The following PFKFB3 variants were observed in gnomAD, a reference collection of about 807,000 sequenced individuals.
PFKFB3 encodes 6-phosphofructo-2-kinase/fructose-2,6-biphosphatase 3.
Under a neutral mutation model 68.0 loss-of-function variants are expected in PFKFB3, and 33 were observed. The ratio of observed to expected loss-of-function variants is 0.49; its 90% CI spans 0.37 to 0.65. PFKFB3 has a LOEUF of 0.65. Among genes scored for constraint, PFKFB3 ranks in the 30% least tolerant of loss-of-function variants. The pLI is 0.00. For missense variants in PFKFB3, 586 were observed against 712.2 expected, an observed-to-expected ratio of 0.82 and a Z score of 2.02; for synonymous variants, 315 against 288.2, an observed-to-expected ratio of 1.09 and a Z score of -0.94.
At chr10:6,177,413 T>TTCTTTCTTCTTTCTTTCTTTCTTTCTTC (rs1842525843) in intron 1 of PFKFB3, among the ~76,000 whole-genome samples, 2 of 89,428 alleles carry the variant, frequency 2.2e-5, no homozygotes, top group African/African-American at 3.4e-5. Flanking sequence ...TCTTTCTTCT[T>TTCTTTCTTCTTTCTTTCTTTCTTTCTTC]TCTCTTTCTT....
chr10:6,300,932 T>G, the PFKFB3 span, among the ~76,000 whole-genome samples: 5 of 152,288 alleles, frequency 3.3e-5, no homozygotes, highest in East Asian at 9.6e-4. Flanking sequence ...GTGCCAGAAA[T>G]AGAGGAATCT....
chr10:6,194,404 G>C (rs138482033), intron 1 of PFKFB3, among the ~76,000 whole-genome samples: 1 of 152,310 alleles, frequency 6.6e-6, no homozygotes, highest in South Asian at 2.1e-4. Context: ...CTATGTTTCC[G>C]CTGCGCTAAA....
intron 1 of PFKFB3, among the ~76,000 whole-genome samples, chr10:6,175,626 C>T (rs1006714086): frequency 6.6e-6 from 1 of 152,188 alleles, no homozygotes; most frequent in Non-Finnish European, 1.5e-5. Flanking sequence ...AACAAAGTCA[C>T]TGTAGAGAAA....
At chr10:6,205,121 GATTA>G (rs1482954779) in intron 1 of PFKFB3, among the ~76,000 whole-genome samples, 2 of 152,206 alleles carry the variant, frequency 1.3e-5, no homozygotes, top group Non-Finnish European at 2.9e-5. Flanking sequence ...AAAGCCAATG[GATTA>G]ATTCTTTTGT....
intron 10 of PFKFB3, chr10:6,222,633 T>G: frequency 2.5e-6 from 1 of 402,954 alleles, no homozygotes; most frequent in Non-Finnish European, 4.5e-6. Flanking sequence ...CACACAGCAT[T>G]GAGTTTTCCA....
chr10:6,300,954 T>C, the PFKFB3 span, among the ~76,000 whole-genome samples: 5 of 152,190 alleles, frequency 3.3e-5, no homozygotes, highest in Admixed American at 3.3e-4. Context: ...GTTCTTTTAT[T>C]TTTGGCAACA....
At chr10:6,178,620 C>T (rs1008962241) in intron 1 of PFKFB3, among the ~76,000 whole-genome samples, 1 of 152,188 alleles carries the variant, frequency 6.6e-6, no homozygotes, top group Non-Finnish European at 1.5e-5. Flanking sequence ...CCCTCGGTGC[C>T]TGCCCTGGGC....
the PFKFB3 span, among the ~76,000 whole-genome samples, chr10:6,262,271 G>A: frequency 2.0e-5 from 3 of 151,572 alleles, no homozygotes; most frequent in South Asian, 2.1e-4. Context: ...TGGCTAACAT[G>A]GTGAAACCCT....
intron 14 of PFKFB3, among the ~76,000 whole-genome samples, chr10:6,232,627 A>C (rs116236992): frequency 0.013 from 1,950 of 152,082 alleles, 50 homozygotes; most frequent in African/African-American, 0.045. Flanking sequence ...ACGGTCCTCC[A>C]GGAGCCACAC....
chr10:6,169,592 A>G (rs541702047), intron 1 of PFKFB3, among the ~76,000 whole-genome samples: 1 of 152,144 alleles, frequency 6.6e-6, no homozygotes, highest in East Asian at 1.9e-4. Context: ...TGCTGCGCTG[A>G]TGGTGAAGGC....
In PFKFB3 at chr10:6,221,651, A is replaced by G; in HGVS notation, c.989A>G (p.Glu330Gly). ...ALNEIDAGVC[E>G]ELTYEEIRDT... ...ACTGGGTCCCCGCAGGGCGTCTGTG[A>G]GGAGCTGACCTACGAGGAGATCAGG... The change falls in exon 10 of 15, where the codon GAG (glutamate) becomes GGG (glycine). Residue 330 changes from glutamate (E) to glycine (G), a missense_variant. Coordinates refer to ENST00000379775, the MANE Select transcript of PFKFB3 (RefSeq NM_004566.4). 1 of 1,610,822 alleles carries G rather than the reference A, an allele frequency of 6.2e-7. No individual in the cohort carries two copies. The highest frequency in any genetic ancestry group is 8.5e-7 in the Non-Finnish European group (1 of 1,178,912).
At chr10:6,297,789 CATAT>C in the PFKFB3 span, among the ~76,000 whole-genome samples, 3 of 152,150 alleles carry the variant, frequency 2.0e-5, no homozygotes, top group African/African-American at 7.2e-5. Flanking sequence ...TCCTTCTCTC[CATAT>C]CCCAGAAGGG....
At chr10:6,255,452 T>G (rs1846482119), downstream of PFKFB3, among the ~76,000 whole-genome samples, 1 of 152,258 alleles carries the variant, frequency 6.6e-6, no homozygotes, top group Non-Finnish European at 1.5e-5. Flanking sequence ...AGTCCCCATG[T>G]AAGCGAAGCA....
intron 1 of PFKFB3, among the ~76,000 whole-genome samples, chr10:6,182,721 G>A (rs1327881447): frequency 6.6e-6 from 1 of 152,244 alleles, no homozygotes; most frequent in African/African-American, 2.4e-5. Flanking sequence ...GGGTGTGGGG[G>A]CAGGGGGAGC....
intron 1 of PFKFB3, among the ~76,000 whole-genome samples, chr10:6,203,592 A>G (rs1843483452): frequency 6.6e-6 from 1 of 151,072 alleles, no homozygotes; most frequent in African/African-American, 2.4e-5. Flanking sequence ...AGACGGAGGG[A>G]CGCGCGCGCC....
the PFKFB3 span, chr10:6,293,247 G>A: frequency 2.2e-6 from 1 of 450,786 alleles, no homozygotes. Context: ...GAGTCCTTCA[G>A]TCCAGTGACC....
the PFKFB3 span, among the ~76,000 whole-genome samples, chr10:6,303,271 CAAGAAA>C: frequency 2.0e-5 from 3 of 151,680 alleles, no homozygotes; most frequent in African/African-American, 7.3e-5. Context: ...CAAGAACAAA[CAAGAAA>C]AAGAAAAAGA....
downstream of PFKFB3, among the ~76,000 whole-genome samples, chr10:6,259,594 C>T (rs371804605): frequency 2.9e-4 from 9 of 31,186 alleles, no homozygotes; most frequent in Non-Finnish European, 1.0e-3. Flanking sequence ...ATCCATCCAT[C>T]CATCCATCCA....
intron 6 of PFKFB3, among the ~76,000 whole-genome samples, chr10:6,218,375 A>T (rs1844730696): frequency 6.6e-6 from 1 of 151,540 alleles, no homozygotes. Context: ...GGTAAAATAT[A>T]CATAATGTAA....
Sources: allele counts gnomAD v4.1 joint callset (sites outside exome capture counted in the v4.1 genomes callset), GRCh38; gene constraint gnomAD v4.1.1; transcripts MANE v1.5; gene names NCBI Gene and HGNC (gene_info 2026-07-23, HGNC 2026-07-21).